RIMS2: variants seen among roughly 807,000 people sequenced by gnomAD.
RIMS2 encodes regulating synaptic membrane exocytosis 2.
In RIMS2, 59 loss-of-function variants were observed where a neutral mutation model predicts 174.4. That is an observed-to-expected ratio of 0.34 (90% confidence interval 0.27 to 0.42). The LOEUF is 0.42. RIMS2 is among the 10% of genes least tolerant of loss of function. The pLI, the probability that RIMS2 is intolerant of heterozygous loss-of-function variation, is 1.00. For synonymous variants in RIMS2, 606 were observed against 572.5 expected, an observed-to-expected ratio of 1.06 and a Z score of -0.84; for missense variants, 1,620 against 1,666.3, an observed-to-expected ratio of 0.97 and a Z score of 0.48.
chr8:103,881,304 T>C (rs1300149300), intron 3 of RIMS2, among the ~76,000 whole-genome samples: 2 of 151,572 alleles, frequency 1.3e-5, no homozygotes, highest in African/African-American at 2.4e-5. Flanking sequence ...TGTTTATAAA[T>C]GTTTTCAAAT....
chr8:104,137,267 A>G (rs1316174311), intron 19 of RIMS2, among the ~76,000 whole-genome samples: 2 of 152,206 alleles, frequency 1.3e-5, no homozygotes, highest in Non-Finnish European at 2.9e-5. Flanking sequence ...TAGTGCCTCC[A>G]TGTAATTGTA....
chr8:103,576,994 A>G (rs1362257358), intron 1 of RIMS2, among the ~76,000 whole-genome samples: 1 of 152,104 alleles, frequency 6.6e-6, no homozygotes, highest in Non-Finnish European at 1.5e-5. Flanking sequence ...CTAGACAATA[A>G]CATTCAGGAC....
chr8:103,981,753 C>T (rs1267880587), intron 16 of RIMS2, among the ~76,000 whole-genome samples: 5 of 151,712 alleles, frequency 3.3e-5, no homozygotes, highest in South Asian at 2.1e-4. Context: ...TACTAAAGAA[C>T]GCATCAATGT....
At chr8:103,733,938 A>G (rs770393505) in intron 2 of RIMS2, among the ~76,000 whole-genome samples, 17 of 148,368 alleles carry the variant, frequency 1.1e-4, no homozygotes, top group African/African-American at 7.6e-5. Flanking sequence ...TAGTTGTTCA[A>G]TTTGGTGTTT....
chr8:104,090,717 C>T (rs1052324301), intron 19 of RIMS2, among the ~76,000 whole-genome samples: 6 of 151,618 alleles, frequency 4.0e-5, no homozygotes, highest in Non-Finnish European at 7.4e-5. Context: ...TGAACCTGGC[C>T]AAATGGGGAA....
intron 1 of RIMS2, among the ~76,000 whole-genome samples, chr8:103,663,188 T>C (rs2096625558): frequency 6.6e-6 from 1 of 151,924 alleles, no homozygotes; most frequent in African/African-American, 2.4e-5. Flanking sequence ...AAAAAAATTT[T>C]TTTTCTGGAG....
intron 19 of RIMS2, among the ~76,000 whole-genome samples, chr8:104,139,098 G>C (rs2098545630): frequency 6.6e-6 from 1 of 151,954 alleles, no homozygotes; most frequent in African/African-American, 2.4e-5. Flanking sequence ...TTGTTTCTGG[G>C]ATCTCTTTTG....
chr8:104,222,710 TTG>T (rs1261484089), intron 19 of RIMS2, among the ~76,000 whole-genome samples: 1 of 152,238 alleles, frequency 6.6e-6, no homozygotes, highest in Non-Finnish European at 1.5e-5. Context: ...GTTTCCAAAT[TTG>T]TGTTAACAGG....
At chr8:104,158,850 G>T (rs375711209) in intron 19 of RIMS2, among the ~76,000 whole-genome samples, 1 of 152,060 alleles carries the variant, frequency 6.6e-6, no homozygotes, top group African/African-American at 2.4e-5. Context: ...TAGGTTGCCT[G>T]TTCACTCTGA....
intron 1 of RIMS2, among the ~76,000 whole-genome samples, chr8:103,596,412 G>T (rs2094479780): frequency 1.3e-5 from 2 of 151,968 alleles, no homozygotes; most frequent in South Asian, 4.1e-4. Context: ...TTTGGTAGAG[G>T]TGGTGCACCT....
intron 3 of RIMS2, among the ~76,000 whole-genome samples, chr8:103,859,582 G>T (rs1398753058): frequency 2.0e-5 from 3 of 151,922 alleles, no homozygotes; most frequent in Admixed American, 6.6e-5. Context: ...AGGGTAGGTG[G>T]ATGGGTGTCA....
intron 13 of RIMS2, among the ~76,000 whole-genome samples, chr8:103,938,700 A>T (rs565802346): frequency 7.2e-5 from 11 of 152,206 alleles, no homozygotes; most frequent in Non-Finnish European, 1.6e-4. Context: ...ATCTGAGACA[A>T]GGTAAGTCCT....
intron 1 of RIMS2, among the ~76,000 whole-genome samples, chr8:103,578,472 A>T (rs918613955): frequency 1.3e-5 from 2 of 151,992 alleles, no homozygotes; most frequent in Non-Finnish European, 2.9e-5. Flanking sequence ...TGAAGGTTGC[A>T]GTGAGCCAAG....
At position 103,699,944 on chromosome 8, in the gene RIMS2, A is replaced by AT. The variant is rs1307246054; in HGVS notation, c.387+2649dup. Among the ~76,000 whole-genome samples the AT allele has an allele frequency of 2.0e-5, 3 of 152,088 alleles. No individual in the cohort carries two copies. The East Asian group carries it at 5.8e-4, about 29-fold the overall frequency. On this transcript the variant is annotated intron_variant, in intron 2 of 23. Transcript: ENST00000504942. ...CTCTCGTGGTTTTAGAATATACTTT[A>AT]TATGCCTCAAATTCTTTGGAATTTG...
chr8:104,206,640 A>T (rs1445149798), intron 19 of RIMS2, among the ~76,000 whole-genome samples: 1 of 152,208 alleles, frequency 6.6e-6, no homozygotes, highest in African/African-American at 2.4e-5. Context: ...CCTATTTACA[A>T]GTATAGAGAT....
chr8:104,016,942 A>G (rs1185400180), intron 19 of RIMS2, among the ~76,000 whole-genome samples: 1 of 151,966 alleles, frequency 6.6e-6, no homozygotes. Flanking sequence ...GTTTTCCTTT[A>G]AAGTCCCCAA....
rs766022770 is a variant in RIMS2, at chr8:103,644,773, G to A, written c.177-52313G>A. On this transcript the variant is annotated intron_variant, in intron 1 of 23. Transcript: ENST00000504942. Reference sequence around the variant, plus strand: ...GCAAATGTTATACATTTCATATATAGATGTTTTTACAAAACCCAGTTTTAA... The same window carrying A: ...GCAAATGTTATACATTTCATATATAAATGTTTTTACAAAACCCAGTTTTAA... 7.3e-5 allele frequency among the ~76,000 whole-genome samples: 11 copies of A among 151,406 alleles called. No individual in the cohort carries two copies. The East Asian group carries it at 2.1e-3, about 29-fold the overall frequency.
chr8:104,156,487 G>A (rs551038541), intron 19 of RIMS2, among the ~76,000 whole-genome samples: 1 of 152,268 alleles, frequency 6.6e-6, no homozygotes, highest in South Asian at 2.1e-4. Context: ...ACAGCATTAA[G>A]CCACTGTTTT....
chr8:104,127,050 C>T (rs777473764), intron 19 of RIMS2, among the ~76,000 whole-genome samples: 3 of 152,000 alleles, frequency 2.0e-5, no homozygotes, highest in Non-Finnish European at 4.4e-5. Flanking sequence ...ATCCTTTTAG[C>T]AAGAAAGAGT....
Sources: allele counts gnomAD v4.1 joint callset (sites outside exome capture counted in the v4.1 genomes callset), GRCh38; gene constraint gnomAD v4.1.1; transcripts MANE v1.5; gene names NCBI Gene and HGNC (gene_info 2026-07-23, HGNC 2026-07-21).